Variants in HOMER1 observed in about 807,000 individuals in gnomAD.
The protein encoded by HOMER1 is homer scaffold protein 1, also known as homer protein homolog 1.
A neutral mutation model predicts 48.9 loss-of-function variants in HOMER1; 3 were observed. The observed-to-expected ratio is 0.06, with a 90% CI of 0.03 to 0.16. HOMER1 has a LOEUF of 0.16. HOMER1 is among the 10% of genes least tolerant of loss of function. HOMER1 has a pLI of 1.00. For synonymous variants in HOMER1, 134 were observed against 146.4 expected (o/e 0.92, Z 0.61); for missense variants, 247 against 411.4 (o/e 0.60, Z 3.46).
chr5:79,399,727 T>C (rs1225733968), intron 6 of HOMER1, among the ~76,000 whole-genome samples: 6 of 152,054 alleles, frequency 3.9e-5, no homozygotes, highest in African/African-American at 1.2e-4. Flanking sequence ...CAATGTCCAA[T>C]ACAAAATTAA....
At chr5:79,396,948 G>A (rs768002979) in intron 7 of HOMER1, 45 bp from the exon 8 acceptor site, 3 of 1,031,712 alleles carry the variant, frequency 2.9e-6, no homozygotes, top group East Asian at 2.4e-5. Flanking sequence ...CTATATCAAG[G>A]CAAGGGAAGG....
At chr5:79,502,306 C>T (rs1202289336) in intron 1 of HOMER1, among the ~76,000 whole-genome samples, 16 of 152,052 alleles carry the variant, frequency 1.1e-4, no homozygotes, top group Non-Finnish European at 5.9e-5. Flanking sequence ...ACGTGAGCCA[C>T]CGCGCCCAGC....
rs576726824 is a variant in HOMER1 at position 79,376,802 on chromosome 5, A to G, written c.877-605T>C. 7.9e-5 allele frequency among the ~76,000 whole-genome samples: 12 copies of G among 152,356 alleles called. No individual in the cohort carries two copies. In the South Asian group the frequency reaches 2.5e-3, roughly 32 times the overall value. ...TAATAACTGTACATATTAGAGAATTATAAGTTAACAGTTCCAATACATTGC... is the reference window on the plus strand; with the variant it reads ...TAATAACTGTACATATTAGAGAATTGTAAGTTAACAGTTCCAATACATTGC... On this transcript the variant is annotated intron_variant, in intron 8 of 8. Transcript: ENST00000334082.
chr5:79,451,068 C>G lies in HOMER1; in HGVS notation c.216G>C (p.Gln72His). The change falls in exon 3 of 9, where the codon CAG becomes CAC. Residue 72 changes from glutamine (Q) to histidine (H), a missense_variant. This residue lies in a region of HOMER1 where 38 missense variants were observed against 114.9 expected (regional missense o/e 0.33). Coordinates refer to ENST00000334082, the MANE Select transcript of HOMER1 (RefSeq NM_004272.5). ...GGCTATCAGCCCACTGGCCAAACTTCTGAGATGTTTTAGTAAATGTCATGT... is the reference window on the plus strand; with the variant it reads ...GGCTATCAGCCCACTGGCCAAACTTGTGAGATGTTTTAGTAAATGTCATGT... ...TPNMTFTKTSQKFGQWADSRA... is the reference protein window; with the variant it reads ...TPNMTFTKTSHKFGQWADSRA... 1 of 1,613,812 alleles carries G rather than the reference C, an allele frequency of 6.2e-7. No individual in the cohort carries two copies. Among genetic ancestry groups the G allele is most frequent in the Non-Finnish European group, 8.5e-7 (1 of 1,179,782 alleles).
intron 5 of HOMER1, among the ~76,000 whole-genome samples, chr5:79,431,714 C>T (rs571061424): frequency 6.6e-6 from 1 of 152,082 alleles, no homozygotes; most frequent in Admixed American, 6.5e-5. Context: ...TACGGCCAAG[C>T]TAAACTCTAA....
chr5:79,396,205 TAAAATTAATTAC>T (rs1400584411), intron 8 of HOMER1, among the ~76,000 whole-genome samples: 1 of 152,006 alleles, frequency 6.6e-6, no homozygotes, highest in East Asian at 1.9e-4. Context: ...AAAAAGTGAG[TAAAATTAATTAC>T]ACTGAAGAAC....
At chr5:79,403,802 T>C (rs1383549356) in intron 5 of HOMER1, among the ~76,000 whole-genome samples, 2 of 152,234 alleles carry the variant, frequency 1.3e-5, no homozygotes, top group East Asian at 1.9e-4. Flanking sequence ...TTGTGATTTT[T>C]CTATAAGTCT....
intron 5 of HOMER1, among the ~76,000 whole-genome samples, chr5:79,435,108 A>T (rs1378003880): frequency 6.6e-6 from 1 of 152,186 alleles, no homozygotes; most frequent in Non-Finnish European, 1.5e-5. Context: ...ATGCTTGAAA[A>T]TTTTTATAAT....
chr5:79,392,054 C>T (rs1025259916), intron 8 of HOMER1, among the ~76,000 whole-genome samples: 2 of 152,046 alleles, frequency 1.3e-5, no homozygotes, highest in Non-Finnish European at 2.9e-5. Flanking sequence ...ATAAATCTAC[C>T]GTGCTGTCAG....
chr5:79,442,659 C>T (rs147360528), intron 4 of HOMER1, among the ~76,000 whole-genome samples: 346 of 152,328 alleles, frequency 2.3e-3, no homozygotes, highest in African/African-American at 8.0e-3. Flanking sequence ...CCTCTCTTTA[C>T]CATTTAACAA....
intron 1 of HOMER1, chr5:79,510,715 C>G: frequency 2.5e-6 from 2 of 798,592 alleles, no homozygotes; most frequent in South Asian, 2.7e-5. Context: ...GCAAGCTCAA[C>G]TTGCCTACAC....
chr5:79,462,088 ACT>A (rs1357244873), intron 1 of HOMER1, among the ~76,000 whole-genome samples: 1 of 151,990 alleles, frequency 6.6e-6, no homozygotes, highest in Non-Finnish European at 1.5e-5. Flanking sequence ...AATCCCAGCT[ACT>A]CAGGAGGCTG....
At chr5:79,381,344 A>G (rs1178470553) in intron 8 of HOMER1, among the ~76,000 whole-genome samples, 1 of 152,260 alleles carries the variant, frequency 6.6e-6, no homozygotes, top group Non-Finnish European at 1.5e-5. Flanking sequence ...ATACATCTAC[A>G]GGAAAGAATC....
intron 1 of HOMER1, among the ~76,000 whole-genome samples, chr5:79,470,363 C>T (rs1751583982): frequency 1.3e-5 from 2 of 152,168 alleles, no homozygotes; most frequent in African/African-American, 4.8e-5. Context: ...TTTATATATG[C>T]TTGTCACAAT....
At chr5:79,448,348 C>T (rs1284149448) in intron 3 of HOMER1, among the ~76,000 whole-genome samples, 1 of 152,150 alleles carries the variant, frequency 6.6e-6, no homozygotes. Context: ...TAACATTCCA[C>T]AATAGTTAAT....
intron 5 of HOMER1, among the ~76,000 whole-genome samples, chr5:79,437,494 G>A (rs1261760950): frequency 2.0e-5 from 3 of 152,104 alleles, no homozygotes; most frequent in African/African-American, 7.2e-5. Flanking sequence ...AATTTTTCAT[G>A]TGTTCAGTCA....
At chr5:79,482,996 T>G (rs2112344444) in intron 1 of HOMER1, among the ~76,000 whole-genome samples, 1 of 152,202 alleles carries the variant, frequency 6.6e-6, no homozygotes, top group Non-Finnish European at 1.5e-5. Flanking sequence ...GGTCAAGAGC[T>G]GTTTCCAAAA....
chr5:79,426,413 G>T (rs767905134), intron 5 of HOMER1, among the ~76,000 whole-genome samples: 1 of 151,988 alleles, frequency 6.6e-6, no homozygotes, highest in Non-Finnish European at 1.5e-5. Flanking sequence ...ACCACACTGT[G>T]TATATGTGGT....
chr5:79,374,442 A>G lies in HOMER1; in HGVS notation c.*1567T>C, dbSNP rs1365893156. ...GTATTTACGTACATACACATACATAAAAAACAAAATTGTCTAGTATTGAGT... is the reference window on the plus strand; with the variant it reads ...GTATTTACGTACATACACATACATAGAAAACAAAATTGTCTAGTATTGAGT... On this transcript the variant is annotated 3_prime_UTR_variant, in exon 9 of 9. Coordinates refer to ENST00000334082, the MANE Select transcript of HOMER1 (RefSeq NM_004272.5). The G allele has an allele frequency of 6.6e-6, 1 of 152,406 alleles. No individual in the cohort carries two copies. The highest frequency in any genetic ancestry group is 1.5e-5 in the Non-Finnish European group (1 of 67,890). The allele number at this position is 152,406 out of a possible 1,614,324, so 9.4% of individuals were successfully genotyped here. A position where few individuals can be genotyped will look rare whatever the true frequency, so the allele number is the denominator to read the frequency against.
Sources: gnomAD v4.1 joint callset for allele counts (sites outside exome capture counted in the v4.1 genomes callset) on GRCh38, gnomAD v4.1.1 for gene constraint, gnomAD v4.1.1 regional missense constraint, MANE v1.5 for transcripts, NCBI Gene and HGNC (gene_info 2026-07-23, HGNC 2026-07-21) for gene names.